POU2F1: variants seen among roughly 807,000 people sequenced by gnomAD.
The protein encoded by POU2F1 is POU domain, class 2, transcription factor 1.
POU2F1 carries 16 observed loss-of-function variants against 84.9 expected under a neutral mutation model. The observed-to-expected ratio is 0.19, with a 90% confidence interval of 0.13 to 0.29. POU2F1 has a LOEUF of 0.29. Ranked by LOEUF, POU2F1 falls within the 10% of genes least tolerant of loss-of-function variation. The pLI is 1.00. For synonymous variants in POU2F1, 368 were observed against 368.3 expected (o/e 1.00, Z 0.01); for missense variants, 738 against 942.6 (o/e 0.78, Z 2.84).
At position 167,426,360 on chromosome 1, in the gene POU2F1, G is replaced by C. The variant is rs1240024484; in HGVS notation, c.*10550G>C. ...AAATAATAGTATTTTTGTATGTTTT[G>C]GGTGTGTCTATGTATGTATTAACAT... On this transcript the variant is annotated 3_prime_UTR_variant, in exon 16 of 16. Transcript: ENST00000367866. 1 of 152,080 alleles carries C rather than the reference G, an allele frequency of 6.6e-6. No individual in the cohort carries two copies. The highest frequency in any genetic ancestry group is 2.4e-5 in the African/African-American group (1 of 41,416). 9.4% of individuals were successfully genotyped at this position (152,080 alleles called of 1,614,324 possible). A position where few individuals can be genotyped will look rare whatever the true frequency, so the allele number is the denominator to read the frequency against.
At chr1:167,245,971 A>G (rs1650289591) in intron 1 of POU2F1, among the ~76,000 whole-genome samples, 1 of 152,264 alleles carries the variant, frequency 6.6e-6, no homozygotes, top group African/African-American at 2.4e-5. Context: ...GACAGACAAA[A>G]AAATACTTTC....
chr1:167,361,145 G>A (rs888432943), intron 2 of POU2F1, among the ~76,000 whole-genome samples: 4 of 151,768 alleles, frequency 2.6e-5, no homozygotes, highest in Non-Finnish European at 5.9e-5. Flanking sequence ...TTTTACTTCT[G>A]CTTTTCCTAT....
chr1:167,371,827 T>G, intron 4 of POU2F1, 90 bp from the exon 5 acceptor site: 1 of 1,548,604 alleles, frequency 6.5e-7, no homozygotes, highest in African/African-American at 1.4e-5. Flanking sequence ...TAAGCTCATG[T>G]TTTAAATGAT....
chr1:167,265,851 T>G (rs1430234498), intron 1 of POU2F1, among the ~76,000 whole-genome samples: 4 of 152,246 alleles, frequency 2.6e-5, no homozygotes, highest in Non-Finnish European at 4.4e-5. Context: ...AAGAATTATC[T>G]GGTCCAAAAT....
rs1650505433 is a variant in POU2F1, at chr1:167,419,306, C to T, written c.*3496C>T. The T allele has an allele frequency of 6.6e-6, 1 of 152,172 alleles. No individual in the cohort carries two copies. The highest frequency in any genetic ancestry group is 2.4e-5 in the African/African-American group (1 of 41,442). The allele number at this position is 152,172 out of a possible 1,614,324, so 9.4% of individuals were successfully genotyped here. Reference sequence around the variant, plus strand: ...AGAAGAAAGGCCAGATAGGTCATCACAATTCATTGTATTATTCTTTTTTTT... The same window carrying T: ...AGAAGAAAGGCCAGATAGGTCATCATAATTCATTGTATTATTCTTTTTTTT... On this transcript the variant is annotated 3_prime_UTR_variant, in exon 16 of 16. Transcript: ENST00000367866.
chr1:167,274,140 T>A (rs1334839489), intron 1 of POU2F1, among the ~76,000 whole-genome samples: 1 of 152,224 alleles, frequency 6.6e-6, no homozygotes, highest in Non-Finnish European at 1.5e-5. Flanking sequence ...TGTGTGTTTC[T>A]TTGCTCACAT....
At chr1:167,325,464 C>T (rs1343621766) in intron 1 of POU2F1, among the ~76,000 whole-genome samples, 2 of 152,066 alleles carry the variant, frequency 1.3e-5, no homozygotes, top group East Asian at 1.9e-4. Context: ...GAATATAGGC[C>T]GATCTCAGTT....
At chr1:167,237,812 C>T (rs1329386856) in intron 1 of POU2F1, among the ~76,000 whole-genome samples, 1 of 105,248 alleles carries the variant, frequency 9.5e-6, no homozygotes, top group Non-Finnish European at 1.7e-5. Context: ...CAGAGTGTTG[C>T]TCTGTCGCCC....
chr1:167,244,082 G>A (rs1650124901), intron 1 of POU2F1, among the ~76,000 whole-genome samples: 1 of 152,174 alleles, frequency 6.6e-6, no homozygotes. Flanking sequence ...ATAGCAAAAG[G>A]TCCTTCCTGT....
At chr1:167,360,269 T>C (rs1317673671) in intron 2 of POU2F1, among the ~76,000 whole-genome samples, 1 of 152,252 alleles carries the variant, frequency 6.6e-6, no homozygotes, top group Admixed American at 6.5e-5. Context: ...ATAAATTCTT[T>C]GCTTAGGCCA....
chr1:167,264,884 G>A (rs1008546029), intron 1 of POU2F1, among the ~76,000 whole-genome samples: 13 of 151,980 alleles, frequency 8.6e-5, no homozygotes, highest in South Asian at 2.1e-4. Flanking sequence ...GTAAATCTCC[G>A]AGACATGCTC....
chr1:167,237,236 G>A (rs945898999), intron 1 of POU2F1, among the ~76,000 whole-genome samples: 2 of 152,200 alleles, frequency 1.3e-5, no homozygotes, highest in East Asian at 1.9e-4. Context: ...GCTATCTAAC[G>A]AGAACATACT....
chr1:167,279,520 G>A (rs1161828816), intron 1 of POU2F1, among the ~76,000 whole-genome samples: 3 of 152,172 alleles, frequency 2.0e-5, no homozygotes, highest in Admixed American at 2.0e-4. Flanking sequence ...TAGAACAGAG[G>A]AAAAATGTGA....
chr1:167,351,309 G>C (rs947135939), intron 2 of POU2F1, among the ~76,000 whole-genome samples: 1 of 151,972 alleles, frequency 6.6e-6, no homozygotes, highest in Non-Finnish European at 1.5e-5. Context: ...AGCTGAAACT[G>C]TGCCACTTGC....
intron 3 of POU2F1, 66 bp from the exon 4 acceptor site, chr1:167,370,095 G>T: frequency 7.4e-7 from 1 of 1,355,464 alleles, no homozygotes; most frequent in Non-Finnish European, 1.0e-6. Context: ...ACTTTATTTA[G>T]TGATGACAAC....
chr1:167,303,743 G>C (rs940390333), intron 1 of POU2F1, among the ~76,000 whole-genome samples: 8 of 152,104 alleles, frequency 5.3e-5, no homozygotes, highest in Admixed American at 5.2e-4. Flanking sequence ...ATATGATGGA[G>C]TGATGCTTGG....
intron 1 of POU2F1, among the ~76,000 whole-genome samples, chr1:167,254,288 T>C (rs906320992): frequency 6.7e-6 from 1 of 150,370 alleles, no homozygotes; most frequent in Non-Finnish European, 1.5e-5. Flanking sequence ...TTAATGTAGG[T>C]TCGATCAATG....
rs1654890828 is a variant in POU2F1 at position 167,304,081 on chromosome 1, G to A, written c.62-28389G>A. Among the ~76,000 whole-genome samples, 4 of 152,062 alleles carry A rather than the reference G, an allele frequency of 2.6e-5. No individual in the cohort carries two copies. The South Asian group carries it at 8.3e-4, about 31-fold the overall frequency. On this transcript the variant is annotated intron_variant, in intron 1 of 15. Transcript: ENST00000367866. ...GCTAGCTAGTGTAGAACAGAGATCC[G>A]ACTCCAGTTCAGAATCTACATCTGA...
chr1:167,232,174 A>G (rs1415464428), intron 1 of POU2F1, among the ~76,000 whole-genome samples: 1 of 152,160 alleles, frequency 6.6e-6, no homozygotes, highest in Non-Finnish European at 1.5e-5. Flanking sequence ...GTGATTGAAA[A>G]AACCTGATTT....
Sources: gnomAD v4.1 joint callset for allele counts (sites outside exome capture counted in the v4.1 genomes callset) on GRCh38, gnomAD v4.1.1 for gene constraint, MANE v1.5 for transcripts, NCBI Gene and HGNC (gene_info 2026-07-23, HGNC 2026-07-21) for gene names.